The following RGS6 variants were observed in gnomAD, a reference collection of about 807,000 sequenced individuals.
The protein encoded by RGS6 is regulator of G protein signaling 6, also known as regulator of G-protein signaling 6.
In RGS6, 30 loss-of-function variants were observed where a neutral mutation model predicts 78.5. The ratio of observed to expected loss-of-function variants is 0.38; its 90% CI spans 0.29 to 0.52. The LOEUF is 0.52. Ranked by LOEUF, RGS6 falls within the 20% of genes least tolerant of loss-of-function variation. The pLI is 0.85. For synonymous variants in RGS6, 206 were observed against 206.0 expected, an observed-to-expected ratio of 1.00 and a Z score of 0.00; for missense variants, 495 against 609.7, an observed-to-expected ratio of 0.81 and a Z score of 1.98.
At chr14:72,489,248 C>A (rs534868536) in intron 12 of RGS6, among the ~76,000 whole-genome samples, 1 of 150,970 alleles carries the variant, frequency 6.6e-6, no homozygotes, top group Non-Finnish European at 1.5e-5. Context: ...AATATGTCAT[C>A]GTGACTCAGA....
At position 71,992,470 on chromosome 14, in the gene RGS6, T is replaced by A. The variant is rs1296432825; in HGVS notation, c.84+27595T>A. 2.0e-5 allele frequency among the ~76,000 whole-genome samples: 3 copies of A among 152,242 alleles called. No homozygotes were observed. The East Asian group carries it at 5.8e-4, about 29-fold the overall frequency. ...ATTGCTTCGTTTGTTCTATTTGCAT[T>A]CTGACTTACACCTGCCCACAGCCCT... On this transcript the variant is annotated intron_variant, in intron 2 of 17. Transcript: ENST00000553525.
intron 2 of RGS6, among the ~76,000 whole-genome samples, chr14:72,048,884 A>T (rs535920462): frequency 1.3e-5 from 2 of 152,316 alleles, no homozygotes; most frequent in South Asian, 4.1e-4. Context: ...CCCATCACCC[A>T]GAGATGAGTT....
chr14:72,511,612 A>G (rs954918399), intron 14 of RGS6: 1 of 152,276 alleles, frequency 6.6e-6, no homozygotes, highest in Non-Finnish European at 1.5e-5. Context: ...TAGTTAAATC[A>G]TAAGCTGGAC....
rs559270257 is a variant in RGS6, at chr14:72,389,317, A to G, written c.184+37123A>G. On this transcript the variant is annotated intron_variant, in intron 3 of 17. Transcript: ENST00000553525. ...TTCTTTCCTTCTTTACTTAGCATCT[A>G]CTCCTCAGGAGACTGCTTTGCCCAG... Among the ~76,000 whole-genome samples the G allele has an allele frequency of 9.2e-5, 14 of 151,770 alleles. No individual in the cohort carries two copies. In the South Asian group the frequency reaches 2.7e-3, roughly 29 times the overall value.
intron 8 of RGS6, among the ~76,000 whole-genome samples, chr14:72,470,575 A>G (rs577133808): frequency 1.9e-4 from 29 of 152,282 alleles, no homozygotes; most frequent in South Asian, 1.2e-3. Context: ...AGATTATTAC[A>G]TTAATTAAAA....
At chr14:72,547,298 T>C in intron 17 of RGS6, 1 of 1,535,584 alleles carries the variant, frequency 6.5e-7, no homozygotes, top group Middle Eastern at 1.7e-4. Context: ...CAACTCTGCC[T>C]GTGGTCCAGA....
chr14:72,175,686 C>T (rs1032786846), intron 2 of RGS6, among the ~76,000 whole-genome samples: 1 of 152,200 alleles, frequency 6.6e-6, no homozygotes, highest in African/African-American at 2.4e-5. Context: ...AGTGAGGCTC[C>T]ATTAGAGGTT....
chr14:72,409,568 T>G (rs2093233011), intron 3 of RGS6, among the ~76,000 whole-genome samples: 1 of 151,914 alleles, frequency 6.6e-6, no homozygotes, highest in African/African-American at 2.4e-5. Flanking sequence ...TTTTTTTAAT[T>G]TTATTATTAT....
At chr14:71,965,742 G>T (rs1013788457) in intron 2 of RGS6, among the ~76,000 whole-genome samples, 1 of 152,184 alleles carries the variant, frequency 6.6e-6, no homozygotes, top group African/African-American at 2.4e-5. Flanking sequence ...TTGTTATCAA[G>T]ATAGAGCGGA....
intron 1 of RGS6, among the ~76,000 whole-genome samples, chr14:71,941,261 T>C (rs1220269980): frequency 2.0e-5 from 3 of 152,216 alleles, no homozygotes; most frequent in African/African-American, 7.2e-5. Flanking sequence ...GGCATTTATT[T>C]TGCATAACTC....
chr14:72,584,655 G>A, the RGS6 span, among the ~76,000 whole-genome samples: 3 of 152,174 alleles, frequency 2.0e-5, no homozygotes, highest in South Asian at 4.1e-4. Flanking sequence ...AGAGTAAAGC[G>A]CCAGCCTCTG....
At chr14:72,002,706 GGCAGTA>G (rs2083716383) in intron 2 of RGS6, among the ~76,000 whole-genome samples, 1 of 152,166 alleles carries the variant, frequency 6.6e-6, no homozygotes, top group Non-Finnish European at 1.5e-5. Flanking sequence ...CTGGAGGTGT[GGCAGTA>G]GACTGTGTGT....
At chr14:72,458,559 A>G (rs755190445) in intron 5 of RGS6, among the ~76,000 whole-genome samples, 182 bp downstream of exon 5, 7 of 152,210 alleles carry the variant, frequency 4.6e-5, no homozygotes, top group Non-Finnish European at 1.0e-4. Context: ...AGAATAGTAA[A>G]AGGCTGTCAT....
At chr14:71,951,228 A>G (rs1252872300) in intron 1 of RGS6, among the ~76,000 whole-genome samples, 1 of 152,212 alleles carries the variant, frequency 6.6e-6, no homozygotes, top group Admixed American at 6.5e-5. Context: ...ATGTGGCCAT[A>G]AAAAGGAACG....
chr14:72,434,642 G>A (rs565441804), intron 3 of RGS6, among the ~76,000 whole-genome samples: 12 of 152,290 alleles, frequency 7.9e-5, no homozygotes, highest in African/African-American at 2.6e-4. Context: ...CTGGTTTCAA[G>A]CCCCTGGAGT....
At chr14:72,370,296 C>T (rs1482319669) in intron 3 of RGS6, among the ~76,000 whole-genome samples, 1 of 152,064 alleles carries the variant, frequency 6.6e-6, no homozygotes, top group Non-Finnish European at 1.5e-5. Flanking sequence ...TTTGGTAATC[C>T]AAGAGAGCAC....
intron 2 of RGS6, among the ~76,000 whole-genome samples, chr14:72,231,717 C>T (rs994109658): frequency 2.6e-5 from 4 of 152,118 alleles, no homozygotes; most frequent in Non-Finnish European, 4.4e-5. Context: ...AACAGGACCC[C>T]GAAGGCATGA....
At chr14:72,276,962 G>A (rs2060780479) in intron 2 of RGS6, among the ~76,000 whole-genome samples, 1 of 151,986 alleles carries the variant, frequency 6.6e-6, no homozygotes, top group Non-Finnish European at 1.5e-5. Context: ...TAGAATACAA[G>A]TTCCATGAAG....
chr14:71,874,022 C>G, the RGS6 span, among the ~76,000 whole-genome samples: 1 of 152,278 alleles, frequency 6.6e-6, no homozygotes, highest in African/African-American at 2.4e-5. Flanking sequence ...GGTACCAACA[C>G]CATGCTGTTT....
Sources: gnomAD v4.1 joint callset for allele counts (sites outside exome capture counted in the v4.1 genomes callset) on GRCh38, gnomAD v4.1.1 for gene constraint, MANE v1.5 for transcripts, NCBI Gene and HGNC (gene_info 2026-07-23, HGNC 2026-07-21) for gene names.